The following CFAP47 variants were observed in gnomAD, a reference collection of about 807,000 sequenced individuals.
The protein encoded by CFAP47 is cilia and flagella associated protein 47.
A neutral mutation model predicts 148.1 loss-of-function variants in CFAP47; 29 were observed. The observed-to-expected ratio is 0.20, with a 90% CI of 0.15 to 0.27. The LOEUF (loss-of-function observed/expected upper bound fraction) is 0.27, where lower values mean the gene tolerates loss of function less well. Among genes scored for constraint, CFAP47 ranks in the 10% least tolerant of loss-of-function variants. The pLI, the probability that CFAP47 is intolerant of heterozygous loss-of-function variation, is 1.00. For missense variants in CFAP47, 1,872 were observed against 1,697.5 expected (o/e 1.10, Z -1.81); for synonymous variants, 664 against 577.3 (o/e 1.15, Z -2.15).
Position 36,373,391 on chromosome X carries a change from C to T in CFAP47, c.9186-5959C>T, listed in dbSNP as rs192166699. Among the ~76,000 whole-genome samples the T allele has an allele frequency of 9.0e-5, 10 of 111,024 alleles. No homozygotes were observed. The East Asian group carries it at 2.6e-3, about 28-fold the overall frequency. ...TTTTGTATGTTGATTTTTCATCCAT[C>T]AATGTCAGTGTTACTGAGATTATGT... On this transcript the variant is annotated intron_variant, in intron 62 of 63. Coordinates refer to ENST00000378653, the MANE Select transcript of CFAP47 (RefSeq NM_001304548.2).
chrX:35,926,132 C>T lies in CFAP47; in HGVS notation c.365C>T (p.Ser122Leu), dbSNP rs779460237. Residue 122 changes from serine to leucine, a missense_variant, in exon 2 of 64, where the codon TCA becomes TTA. By Grantham distance (145) the Ser-to-Leu change is moderately radical. Transcript: ENST00000378653. ...GACACTTTTGACCGGCTACTTATTT[C>T]AATAGAAAATAAAACAACAGAAATT... ...DEDTFDRLLISIENKTTEIPL... is the reference protein window; with the variant it reads ...DEDTFDRLLILIENKTTEIPL... The T allele has an allele frequency of 3.3e-6, 4 of 1,204,368 alleles. No individual in the cohort carries two copies. Among genetic ancestry groups the T allele is most frequent in the Admixed American group, 4.4e-5 (2 of 45,836 alleles).
At chrX:36,063,216 A>G (rs777769206) in intron 26 of CFAP47, among the ~76,000 whole-genome samples, 5 of 111,756 alleles carry the variant, frequency 4.5e-5, no homozygotes, top group African/African-American at 6.5e-5. Context: ...GTCAGTAACC[A>G]TTTGTGTCTG....
chrX:36,142,776 T>G (rs1939165033), intron 35 of CFAP47, among the ~76,000 whole-genome samples: 1 of 111,382 alleles, frequency 9.0e-6, no homozygotes, highest in Non-Finnish European at 1.9e-5. Flanking sequence ...TTATATCATT[T>G]TATGGGTTAC....
chrX:35,925,939 G>A, intron 1 of CFAP47, 78 bp from the exon 2 acceptor site: 1 of 863,176 alleles, frequency 1.2e-6, no homozygotes, highest in South Asian at 2.9e-5. Flanking sequence ...ACAGGCGTGA[G>A]CCATTGTGCC....
At chrX:36,249,502 A>G (rs1048789289) in intron 48 of CFAP47, among the ~76,000 whole-genome samples, 5 of 111,491 alleles carry the variant, frequency 4.5e-5, no homozygotes, top group Admixed American at 1.9e-4. Context: ...ACCTACAACA[A>G]GTAGAGAATT....
At chrX:36,138,868 T>G (rs1185597202) in intron 35 of CFAP47, among the ~76,000 whole-genome samples, 1 of 111,398 alleles carries the variant, frequency 9.0e-6, no homozygotes, top group Admixed American at 9.6e-5. Flanking sequence ...AATGTTTGTA[T>G]AGTGGTCATA....
At chrX:36,360,976 C>T (rs1332258623) in intron 60 of CFAP47, among the ~76,000 whole-genome samples, 3 of 111,610 alleles carry the variant, frequency 2.7e-5, no homozygotes, top group Non-Finnish European at 5.7e-5. Context: ...GTTTTTAATA[C>T]ATTTATTATA....
chrX:36,114,903 A>G (rs868838950), intron 33 of CFAP47, among the ~76,000 whole-genome samples: 9 of 112,138 alleles, frequency 8.0e-5, no homozygotes, highest in African/African-American at 1.6e-4. Context: ...GGGTGCTGGG[A>G]TTCCTGCCTT....
At chrX:36,242,796 GA>G (rs1478110673) in intron 48 of CFAP47, among the ~76,000 whole-genome samples, 1 of 111,670 alleles carries the variant, frequency 9.0e-6, no homozygotes, top group African/African-American at 3.3e-5. Context: ...TCTTGCTAGA[GA>G]GGTTGACAAG....
chrX:36,162,375 T>A (rs1418819243), intron 39 of CFAP47, among the ~76,000 whole-genome samples: 1 of 111,418 alleles, frequency 9.0e-6, no homozygotes, highest in Non-Finnish European at 1.9e-5. Flanking sequence ...ATGTTTGAAA[T>A]TTTAACATAA....
chrX:35,975,354 A>C lies in CFAP47; in HGVS notation c.2462A>C (p.Lys821Thr). The C allele has an allele frequency of 8.6e-7, 1 of 1,163,417 alleles. No individual in the cohort carries two copies. The highest frequency in any genetic ancestry group is 1.2e-6 in the Non-Finnish European group (1 of 857,648). Reference sequence around the variant, plus strand: ...GTATTTGACTCTCCCACCATTGGAAAATTTTGGAAGTAGGGATTATTTTTG... The same window carrying C: ...GTATTTGACTCTCCCACCATTGGAACATTTTGGAAGTAGGGATTATTTTTG... ...SMVFDSPTIG[K>T]FWKSFTFTVN... is the part of the protein sequence containing the mutation. The change falls in exon 14 of 64, where the codon AAA becomes ACA. Residue 821 changes from lysine to threonine, a missense_variant. By Grantham distance (78) the Lys-to-Thr change is moderately conservative. Coordinates refer to ENST00000378653, the MANE Select transcript of CFAP47 (RefSeq NM_001304548.2).
At chrX:36,103,514 A>AAC (rs1258054380) in intron 32 of CFAP47, among the ~76,000 whole-genome samples, 2 of 101,823 alleles carry the variant, frequency 2.0e-5, no homozygotes, top group African/African-American at 7.1e-5. Context: ...AAAAAAAAAA[A>AAC]AAAAAAAAAA....
intron 60 of CFAP47, among the ~76,000 whole-genome samples, chrX:36,358,817 G>T (rs1941804711): frequency 9.0e-6 from 1 of 111,368 alleles, no homozygotes; most frequent in South Asian, 3.8e-4. Context: ...CTGCTTTGAT[G>T]AGTAGAAGGA....
At chrX:36,000,530 T>TA in intron 20 of CFAP47, 103 bp downstream of exon 20, 1 of 268,561 alleles carries the variant, frequency 3.7e-6, no homozygotes, top group Non-Finnish European at 6.6e-6. Context: ...AAGTTCTTCT[T>TA]AAATGTTTTT....
At chrX:35,985,781 A>T (rs765266591) in intron 15 of CFAP47, among the ~76,000 whole-genome samples, 2 of 111,563 alleles carry the variant, frequency 1.8e-5, no homozygotes, top group South Asian at 7.5e-4. Context: ...ATTCTAGAGG[A>T]TCACTGTAAG....
chrX:36,141,059 A>ATT (rs34667862), intron 35 of CFAP47, among the ~76,000 whole-genome samples: 3,026 of 91,837 alleles, frequency 0.033, 131 homozygotes, highest in African/African-American at 0.13. Context: ...TTGTCCTTAA[A>ATT]TTTTTTTTTT....
intron 49 of CFAP47, among the ~76,000 whole-genome samples, chrX:36,267,565 G>A (rs1165130793): frequency 9.8e-6 from 1 of 102,262 alleles, no homozygotes; most frequent in African/African-American, 3.6e-5. Context: ...TGCAAGCTCC[G>A]CCTCCTGGGT....
At chrX:36,290,103 A>AT (rs1177819441) in intron 51 of CFAP47, among the ~76,000 whole-genome samples, 1 of 91,006 alleles carries the variant, frequency 1.1e-5, no homozygotes, top group African/African-American at 4.2e-5. Context: ...AGTTCTTTTT[A>AT]TTTTTTCATC....
Position 36,159,460 on chromosome X carries a change from C to T in CFAP47, c.5821C>T (p.Arg1941Cys), listed in dbSNP as rs1939404965. 3 of 297,360 alleles carry T rather than the reference C, an allele frequency of 1.0e-5. No individual in the cohort carries two copies. The highest frequency in any genetic ancestry group is 9.5e-5 in the East Asian group (2 of 21,036). 24.5% of individuals were successfully genotyped at this position (297,360 alleles called of 1,213,427 possible). Residue 1941 changes from arginine (R) to cysteine (C), a missense_variant, in exon 38 of 64, where the codon CGC (arginine) becomes TGC (cysteine). By Grantham distance (180) the Arg-to-Cys change is radical (BLOSUM62 -3). Coordinates refer to ENST00000378653, the MANE Select transcript of CFAP47 (RefSeq NM_001304548.2). ...EINVTLKFTS[R>C]FIRPAEASLL... The stretch of plus-strand genomic sequence containing the variant: ...TAATGTCACTCTGAAATTCACCAGT[C>T]GCTTTATTCGTCCTGCTGAAGCTTC...
Sources: allele counts gnomAD v4.1 joint callset (sites outside exome capture counted in the v4.1 genomes callset), GRCh38; gene constraint gnomAD v4.1.1; transcripts MANE v1.5; gene names NCBI Gene and HGNC (gene_info 2026-07-23, HGNC 2026-07-21).